Variants in FOXJ3 observed in about 807,000 individuals in gnomAD.
FOXJ3 encodes forkhead box J3.
A neutral mutation model predicts 76.1 loss-of-function variants in FOXJ3; 22 were observed. The ratio of observed to expected loss-of-function variants is 0.29; its 90% CI spans 0.21 to 0.41. The LOEUF is 0.41. Among genes scored for constraint, FOXJ3 ranks in the 10% least tolerant of loss-of-function variants. FOXJ3 has a pLI of 1.00. For synonymous variants in FOXJ3, 269 were observed against 261.2 expected (o/e 1.03, Z -0.29); for missense variants, 613 against 762.1 (o/e 0.80, Z 2.30).
intron 5 of FOXJ3, 122 bp downstream of exon 5, chr1:42,227,761 C>T (rs1321030498): frequency 2.1e-6 from 1 of 474,236 alleles, no homozygotes; most frequent in Non-Finnish European, 3.8e-6. Context: ...ATGTAAAATG[C>T]TACACAAATA....
chr1:42,320,692 C>T (rs1281751715), intron 1 of FOXJ3, among the ~76,000 whole-genome samples: 1 of 152,050 alleles, frequency 6.6e-6, no homozygotes, highest in Admixed American at 6.5e-5. Flanking sequence ...GTTTAAATCA[C>T]CTTTATTGAA....
intron 4 of FOXJ3, among the ~76,000 whole-genome samples, chr1:42,229,051 C>T (rs930604159): frequency 6.6e-6 from 1 of 152,120 alleles, no homozygotes; most frequent in Admixed American, 6.5e-5. Context: ...CTTGAACATA[C>T]CATGTTGTTT....
At chr1:42,279,011 C>T (rs990451779) in intron 2 of FOXJ3, among the ~76,000 whole-genome samples, 42 of 152,276 alleles carry the variant, frequency 2.8e-4, no homozygotes, top group African/African-American at 9.9e-4. Flanking sequence ...AAAAACCCAG[C>T]TGCAGCCCAA....
At chr1:42,236,455 C>G (rs1484794338) in intron 4 of FOXJ3, among the ~76,000 whole-genome samples, 7 of 152,208 alleles carry the variant, frequency 4.6e-5, no homozygotes. Flanking sequence ...CTAGGCATCC[C>G]AAGCACTAGG....
At chr1:42,198,891 T>A (rs1481936190) in intron 7 of FOXJ3, among the ~76,000 whole-genome samples, 1 of 152,206 alleles carries the variant, frequency 6.6e-6, no homozygotes, top group Non-Finnish European at 1.5e-5. Context: ...CTGTTAACAC[T>A]GCACAACCAT....
At chr1:42,311,961 G>A (rs1222672364) in intron 1 of FOXJ3, among the ~76,000 whole-genome samples, 1 of 152,152 alleles carries the variant, frequency 6.6e-6, no homozygotes, top group Non-Finnish European at 1.5e-5. Flanking sequence ...TGGGCAGAAC[G>A]ATGATTCACA....
intron 2 of FOXJ3, among the ~76,000 whole-genome samples, chr1:42,281,645 T>C (rs556429103): frequency 4.1e-4 from 62 of 152,358 alleles, no homozygotes; most frequent in Admixed American, 1.2e-3. Flanking sequence ...TTCTTGGTAG[T>C]GAAGCAAAAA....
At chr1:42,294,256 T>C (rs1404476210) in intron 2 of FOXJ3, among the ~76,000 whole-genome samples, 1 of 152,192 alleles carries the variant, frequency 6.6e-6, no homozygotes, top group East Asian at 1.9e-4. Flanking sequence ...GTGTTTTGCC[T>C]AGCTCATACC....
At chr1:42,213,046 C>A (rs1287610452) in intron 5 of FOXJ3, among the ~76,000 whole-genome samples, 1 of 148,878 alleles carries the variant, frequency 6.7e-6, no homozygotes, top group Non-Finnish European at 1.5e-5. Flanking sequence ...GGAAGCTTGT[C>A]AATAATAGGC....
intron 5 of FOXJ3, among the ~76,000 whole-genome samples, chr1:42,227,130 A>T (rs72952349): frequency 0.011 from 1,622 of 152,372 alleles, 28 homozygotes; most frequent in African/African-American, 0.037. Flanking sequence ...GAAATTCCAT[A>T]AAAGAGTTTT....
At chr1:42,224,905 G>A (rs536065281) in intron 5 of FOXJ3, among the ~76,000 whole-genome samples, 111 of 151,824 alleles carry the variant, frequency 7.3e-4, no homozygotes, top group Non-Finnish European at 1.3e-3. Context: ...TCGGCAACAT[G>A]GCAAGACCCC....
At chr1:42,280,242 A>G in intron 2 of FOXJ3, 2 of 948,190 alleles carry the variant, frequency 2.1e-6, no homozygotes, top group Non-Finnish European at 2.5e-6. Context: ...AACCACATTA[A>G]GCAAAAGCAA....
At chr1:42,199,268 G>C in intron 6 of FOXJ3, 38 bp from the exon 7 acceptor site, 1 of 1,570,294 alleles carries the variant, frequency 6.4e-7, no homozygotes, top group Non-Finnish European at 8.7e-7. Flanking sequence ...TGAATATAAG[G>C]GTACTTCTTA....
At chr1:42,284,435 A>G (rs1652923434) in intron 2 of FOXJ3, among the ~76,000 whole-genome samples, 1 of 152,234 alleles carries the variant, frequency 6.6e-6, no homozygotes, top group South Asian at 2.1e-4. Context: ...TAAAAGAGAA[A>G]TAAACTTTGA....
chr1:42,295,875 C>CA (rs1239834972), intron 2 of FOXJ3, among the ~76,000 whole-genome samples: 2 of 152,124 alleles, frequency 1.3e-5, no homozygotes, highest in African/African-American at 4.8e-5. Flanking sequence ...CAGATACCCC[C>CA]AGTAGTGTGT....
intron 5 of FOXJ3, 63 bp downstream of exon 5, chr1:42,227,820 T>C: frequency 1.1e-6 from 1 of 895,962 alleles, no homozygotes. Flanking sequence ...AAAAGAACTT[T>C]CAAAATCTGT....
intron 1 of FOXJ3, among the ~76,000 whole-genome samples, chr1:42,332,006 C>T (rs1239199426): frequency 6.6e-6 from 1 of 152,140 alleles, no homozygotes; most frequent in Non-Finnish European, 1.5e-5. Context: ...CCCCTCCTTT[C>T]AATTTTCTCT....
chr1:42,334,271 AG>A (rs2124803012), intron 1 of FOXJ3: 1 of 201,242 alleles, frequency 5.0e-6, no homozygotes, highest in East Asian at 1.9e-4. Context: ...TCAATTTCAG[AG>A]TACAACTCTC....
At chr1:42,266,740 G>A (rs1023416536) in intron 3 of FOXJ3, among the ~76,000 whole-genome samples, 33 of 152,096 alleles carry the variant, frequency 2.2e-4, no homozygotes, top group African/African-American at 7.5e-4. Context: ...GATTGACAGT[G>A]ACAGGCAGTG....
Sources: gnomAD v4.1 joint callset for allele counts (sites outside exome capture counted in the v4.1 genomes callset) on GRCh38, gnomAD v4.1.1 for gene constraint, MANE v1.5 for transcripts, NCBI Gene and HGNC (gene_info 2026-07-23, HGNC 2026-07-21) for gene names.